The following INO80 variants were observed in gnomAD, a reference collection of about 807,000 sequenced individuals.
The protein encoded by INO80 is INO80 complex ATPase subunit.
INO80 carries 20 observed loss-of-function variants against 203.4 expected under a neutral mutation model. The ratio of observed to expected loss-of-function variants is 0.10; its 90% CI spans 0.07 to 0.14. The LOEUF (loss-of-function observed/expected upper bound fraction) is 0.14, where lower values mean the gene tolerates loss of function less well. Ranked by LOEUF, INO80 falls within the 10% of genes least tolerant of loss-of-function variation. The pLI is 1.00. For synonymous variants in INO80, 726 were observed against 685.2 expected (o/e 1.06, Z -0.93); for missense variants, 1,419 against 1,914.4 (o/e 0.74, Z 4.83).
Position 40,978,894 on chromosome 15 carries a change from TCTCA to T in INO80, c.*1325_*1328del, listed in dbSNP as rs753925625. The stretch of plus-strand genomic sequence containing the variant: ...AGACACCTCAATTTACATAAAATTA[TCTCA>T]CTCCATTTTATTTAAGATTTTTTTA... On this transcript the variant is annotated 3_prime_UTR_variant, in exon 36 of 36. Transcript: ENST00000648947. The T allele has an allele frequency of 1.0e-4, 16 of 152,642 alleles. No individual in the cohort carries two copies. The highest frequency in any genetic ancestry group is 1.7e-4 in the African/African-American group (7 of 41,456). 9.5% of individuals were successfully genotyped at this position (152,642 alleles called of 1,614,324 possible).
chr15:41,054,880 C>T (rs1049395308), intron 18 of INO80, among the ~76,000 whole-genome samples: 13 of 152,108 alleles, frequency 8.5e-5, no homozygotes, highest in South Asian at 2.1e-4. Context: ...TAACGTGATC[C>T]GCCCACCTTA....
intron 28 of INO80, among the ~76,000 whole-genome samples, chr15:41,000,298 G>T (rs1024360324): frequency 6.6e-6 from 1 of 152,100 alleles, no homozygotes; most frequent in South Asian, 2.1e-4. Flanking sequence ...ATGAGCATGG[G>T]GTAGGCGTCA....
At chr15:41,075,328 T>C (rs540411094) in intron 9 of INO80, among the ~76,000 whole-genome samples, 2 of 151,956 alleles carry the variant, frequency 1.3e-5, no homozygotes, top group Admixed American at 1.3e-4. Flanking sequence ...TGGAGTGCAA[T>C]GGCACAATCT....
chr15:41,064,170 C>T (rs2045167844), intron 14 of INO80, among the ~76,000 whole-genome samples: 1 of 152,066 alleles, frequency 6.6e-6, no homozygotes, highest in African/African-American at 2.4e-5. Flanking sequence ...TGCAACACTG[C>T]AATGAATAAG....
At chr15:41,006,457 C>A (rs1237970390) in intron 27 of INO80, among the ~76,000 whole-genome samples, 1 of 152,180 alleles carries the variant, frequency 6.6e-6, no homozygotes, top group Non-Finnish European at 1.5e-5. Context: ...TAAGAAACAG[C>A]ATAAAATAGT....
chr15:41,088,639 T>C (rs2045594012), intron 5 of INO80, among the ~76,000 whole-genome samples: 1 of 152,206 alleles, frequency 6.6e-6, no homozygotes, highest in Non-Finnish European at 1.5e-5. Flanking sequence ...AATCTCATAT[T>C]AATTTTGTTT....
At chr15:41,108,393 T>C (rs1246908743) in intron 1 of INO80, among the ~76,000 whole-genome samples, 2 of 151,564 alleles carry the variant, frequency 1.3e-5, no homozygotes, top group East Asian at 2.0e-4. Context: ...ATCTAGACCA[T>C]TCTGGCTAAC....
Position 41,116,259 on chromosome 15 carries a change from CG to C in INO80, c.-331del. 2.0e-5 allele frequency: 8 copies of C among 399,532 alleles called. No homozygotes were observed. The highest frequency in any genetic ancestry group is 3.1e-5 in the Non-Finnish European group (7 of 227,168). The allele number at this position is 399,532 out of a possible 1,614,324, so 24.7% of individuals were successfully genotyped here. A position where few individuals can be genotyped will look rare whatever the true frequency, so the allele number is the denominator to read the frequency against. On this transcript the variant is annotated 5_prime_UTR_variant, in exon 1 of 36. The change creates a premature stop within an existing upstream ORF in the 5' untranslated region. Coordinates refer to ENST00000648947, the MANE Select transcript of INO80 (RefSeq NM_017553.3). The stretch of plus-strand genomic sequence containing the variant: ...GGAGCAGGGACACGGGGAGCCATGG[CG>C]GGGGGGAGGAGAGGCGCCATAGCCA...
At chr15:40,994,902 C>T (rs1301291404) in intron 29 of INO80, among the ~76,000 whole-genome samples, 1 of 152,132 alleles carries the variant, frequency 6.6e-6, no homozygotes, top group Non-Finnish European at 1.5e-5. Flanking sequence ...TAGACTTAGG[C>T]TGGAGTGCAG....
At chr15:41,088,162 C>T (rs539704689) in intron 5 of INO80, among the ~76,000 whole-genome samples, 1 of 142,124 alleles carries the variant, frequency 7.0e-6, no homozygotes, top group Admixed American at 7.5e-5. Context: ...ATGATCTGGG[C>T]TCACTGCAAC....
At chr15:41,046,105 C>A (rs2044754352) in intron 23 of INO80, among the ~76,000 whole-genome samples, 1 of 150,046 alleles carries the variant, frequency 6.7e-6, no homozygotes, top group Non-Finnish European at 1.5e-5. Context: ...ACAAGACTTA[C>A]TAGAAATTAT....
chr15:41,024,714 T>C (rs1444205964), intron 25 of INO80: 1 of 152,228 alleles, frequency 6.6e-6, no homozygotes, highest in African/African-American at 2.4e-5. Context: ...ACAGCTCCTA[T>C]AATTCCTTCC....
chr15:41,013,823 C>T (rs2044165341), intron 27 of INO80, among the ~76,000 whole-genome samples: 1 of 152,198 alleles, frequency 6.6e-6, no homozygotes, highest in Non-Finnish European at 1.5e-5. Flanking sequence ...ATACATATGG[C>T]TAAGCAATGT....
intron 14 of INO80, among the ~76,000 whole-genome samples, chr15:41,063,629 C>G (rs539061515): frequency 6.6e-6 from 1 of 151,988 alleles, no homozygotes; most frequent in East Asian, 1.9e-4. Context: ...CAAAAATTAG[C>G]CGGGCGTGGT....
chr15:41,101,592 C>G (rs1354210624), intron 1 of INO80, among the ~76,000 whole-genome samples: 2 of 151,326 alleles, frequency 1.3e-5, no homozygotes, highest in Non-Finnish European at 2.9e-5. Context: ...CTCTGTCACC[C>G]AGGCTGGAGT....
chr15:41,000,307 C>T (rs560950068), intron 28 of INO80, among the ~76,000 whole-genome samples: 1 of 152,088 alleles, frequency 6.6e-6, no homozygotes, highest in South Asian at 2.1e-4. Context: ...GGGTAGGCGT[C>T]AGGGAATGGG....
At position 41,071,946 on chromosome 15, in the gene INO80, C is replaced by T. The variant is rs1360015693; in HGVS notation, c.1508G>A (p.Arg503Gln). 7.4e-6 allele frequency: 12 copies of T among 1,613,734 alleles called. No individual in the cohort carries two copies. Among genetic ancestry groups the T allele is most frequent in the South Asian group, 1.1e-5 (1 of 91,082 alleles). The change falls in exon 12 of 36, where the codon CGG (arginine) becomes CAG (glutamine). Residue 503 changes from arginine (R) to glutamine (Q), a missense_variant. Transcript: ENST00000648947. ...GGGCTGTGGAATATCCTCACCAGCC[C>T]GGATAGATGGGTTAGCCAGGCTATA... ...ESYSLANPSI[R>Q]AGEDIPQPTI... is the part of the protein sequence containing the mutation.
intron 14 of INO80, among the ~76,000 whole-genome samples, chr15:41,065,929 A>C (rs2045203753): frequency 6.6e-6 from 1 of 151,852 alleles, no homozygotes; most frequent in Non-Finnish European, 1.5e-5. Flanking sequence ...AAGTTATGAA[A>C]CTAGACAGCA....
At chr15:41,090,763 G>A (rs950731823) in intron 5 of INO80, among the ~76,000 whole-genome samples, 13 of 151,726 alleles carry the variant, frequency 8.6e-5, no homozygotes, top group African/African-American at 2.9e-4. Context: ...CACTATATAA[G>A]GCTGAAGTTT....
Sources: allele counts gnomAD v4.1 joint callset (sites outside exome capture counted in the v4.1 genomes callset), GRCh38; gene constraint gnomAD v4.1.1; transcripts MANE v1.5; gene names NCBI Gene and HGNC (gene_info 2026-07-23, HGNC 2026-07-21).